Variants in LRRC45 observed in about 807,000 individuals in gnomAD.
The protein encoded by LRRC45 is leucine rich repeat containing 45.
Under a neutral mutation model 85.4 loss-of-function variants are expected in LRRC45, and 73 were observed. The observed-to-expected ratio is 0.85, with a 90% CI of 0.71 to 1.04. LRRC45 has a LOEUF of 1.04. Among genes scored for constraint, LRRC45 ranks in the 50% least tolerant of loss-of-function variants. The probability of loss-of-function intolerance (pLI) is 0.00; values close to 1 mark genes in which losing one functional copy is unlikely to be tolerated. For synonymous variants in LRRC45, 429 were observed against 386.0 expected, an observed-to-expected ratio of 1.11 and a Z score of -1.31; for missense variants, 937 against 883.3, an observed-to-expected ratio of 1.06 and a Z score of -0.77.
Position 82,025,464 on chromosome 17 carries a change from C to T in LRRC45, c.618C>T (p.Asp206=), listed in dbSNP as rs772769787. 1.2e-6 allele frequency: 2 copies of T among 1,609,482 alleles called. No individual in the cohort carries two copies. The highest frequency in any genetic ancestry group is 2.7e-5 in the African/African-American group (2 of 74,888). ...LPSNRTLWRL[D]LAGNNIPGDV... is the part of the protein sequence containing the mutation. ...GCAACAGAACCCTGTGGAGACTGGA[C>T]CTGGCTGGGAACAACATCCCTGGAG... Residue 206 remains aspartate (D), a synonymous_variant, in exon 5 of 17, where the codon GAC becomes GAT. Coordinates refer to ENST00000306688, the MANE Select transcript of LRRC45 (RefSeq NM_144999.4).
At chr17:82,028,827 C>A in intron 12 of LRRC45, 144 bp downstream of exon 12, 1 of 974,804 alleles carries the variant, frequency 1.0e-6, no homozygotes, top group Non-Finnish European at 1.5e-6. Context: ...GAGCGGATGT[C>A]AGACCCAGAA....
rs2043389480 is a variant in LRRC45 at position 82,028,620 on chromosome 17, G to A, written c.1245G>A (p.Leu415=). The change falls in exon 12 of 17, where the codon CTG becomes CTA. Residue 415 remains leucine, a synonymous_variant. Coordinates refer to ENST00000306688, the MANE Select transcript of LRRC45 (RefSeq NM_144999.4). ...CCCACCCTGGGCTTCCAGAGCGCCTGGACATGGAGAAGAGAAGATGCAGAC... is the reference window on the plus strand; with the variant it reads ...CCCACCCTGGGCTTCCAGAGCGCCTAGACATGGAGAAGAGAAGATGCAGAC... ...KMRAIQAEER[L]DMEKRRCRQS... 3.1e-6 allele frequency: 5 copies of A among 1,612,900 alleles called. No homozygotes were observed. Among genetic ancestry groups the A allele is most frequent in the African/African-American group, 1.3e-5 (1 of 75,064 alleles).
rs761881472 is a variant in LRRC45, at chr17:82,028,468, C to A, written c.1197C>A (p.Ser399Arg). The change falls in exon 11 of 17, where the codon AGC (serine) becomes AGA (arginine). Residue 399 changes from serine (S) to arginine (R), a missense_variant. By Grantham distance (110) the Ser-to-Arg change is moderately radical. Transcript: ENST00000306688. ...QLFQTRQEMT[S>R]MSAELKMRAI... The stretch of plus-strand genomic sequence containing the variant: ...TCCAGACCAGGCAGGAGATGACCAG[C>A]ATGTCAGCTGAGCTGAAGATGCGGG... 1 of 1,612,632 alleles carries A rather than the reference C, an allele frequency of 6.2e-7. No homozygotes were observed. The highest frequency in any genetic ancestry group is 8.5e-7 in the Non-Finnish European group (1 of 1,179,942).
Position 82,025,395 on chromosome 17 carries a change from C to G in LRRC45, c.549C>G (p.Asn183Lys). The G allele has an allele frequency of 6.3e-7, 1 of 1,591,202 alleles. No homozygotes were observed. ...TLQQLDLRWN[N>K]VGLLGGRALM... ...TCCTTCCAGACCTGCGCTGGAATAACGTTGGCCTCCTGGGGGGCCGGGCCC... is the reference window on the plus strand; with the variant it reads ...TCCTTCCAGACCTGCGCTGGAATAAGGTTGGCCTCCTGGGGGGCCGGGCCC... Residue 183 changes from asparagine (N) to lysine (K), a missense_variant, in exon 5 of 17, where the codon AAC becomes AAG. Transcript: ENST00000306688.
chr17:82,024,378 C>T (rs771717530), intron 2 of LRRC45, 39 bp downstream of exon 2: 1 of 1,609,104 alleles, frequency 6.2e-7, no homozygotes, highest in Admixed American at 1.7e-5. Context: ...AGTGTGCCAC[C>T]CAAGGGCAAG....
intron 12 of LRRC45, 29 bp from the exon 13 acceptor site, chr17:82,029,064 C>T (rs571041342): frequency 3.1e-6 from 5 of 1,602,754 alleles, no homozygotes; most frequent in African/African-American, 2.7e-5. Context: ...GCTCTCCACT[C>T]TGGCCCCACA....
chr17:82,023,967 C>CA (rs2043340469), intron 1 of LRRC45, 104 bp downstream of exon 1: 1 of 1,172,250 alleles, frequency 8.5e-7, no homozygotes. Flanking sequence ...ATTTCTGTGC[C>CA]GTAGTTAAAG....
rs371249725 is a variant in LRRC45 at position 82,027,367 on chromosome 17, C to T, written c.775-19C>T. ...GGCTGCAGGTGCCCTGACAGGGCTG[C>T]GGCTGTCTCTGTCCCCAGTTCCTCG... On this transcript the variant is annotated intron_variant, in intron 6 of 16. Transcript: ENST00000306688. 47 of 1,612,192 alleles carry T rather than the reference C, an allele frequency of 2.9e-5. No homozygotes were observed. In the South Asian group the frequency reaches 3.7e-4, roughly 13 times the overall value.
Position 82,023,835 on chromosome 17 carries a change from C to T in LRRC45, c.192C>T (p.Val64=). 6.4e-7 allele frequency: 1 copy of T among 1,565,952 alleles called. No individual in the cohort carries two copies. Residue 64 remains valine, a synonymous_variant, in exon 1 of 17, where the codon GTC becomes GTT. Coordinates refer to ENST00000306688, the MANE Select transcript of LRRC45 (RefSeq NM_144999.4). ...LPRETLCTEL[V]LSDCMLSEEG... ...GGGAGACGCTGTGCACGGAGCTGGT[C>T]CTGAGTGACTGCATGCTCAGCGAGG... is the stretch of plus-strand genomic sequence containing the variant.
rs1491182945 is a variant in LRRC45 at position 82,025,429 on chromosome 17, T to TG, written c.584dup (p.Cys195TrpfsTer73). 6.2e-7 allele frequency: 1 copy of TG among 1,607,652 alleles called. No homozygotes were observed. The highest frequency in any genetic ancestry group is 1.3e-5 in the African/African-American group (1 of 74,756). ...CCTGGGGGGCCGGGCCCTCATGAAC[T>TG]GTCTCCCCAGCAACAGAACCCTGTG... On this transcript the variant is annotated frameshift_variant, in exon 5 of 17. Coordinates refer to ENST00000306688, the MANE Select transcript of LRRC45 (RefSeq NM_144999.4). LOFTEE classifies it high-confidence loss of function.
chr17:82,028,632 G>C lies in LRRC45; in HGVS notation c.1257G>C (p.Lys419Asn). The C allele has an allele frequency of 6.2e-7, 1 of 1,612,932 alleles. No individual in the cohort carries two copies. The highest frequency in any genetic ancestry group is 8.5e-7 in the Non-Finnish European group (1 of 1,179,962). Residue 419 changes from lysine to asparagine, a missense_variant, in exon 12 of 17, where the codon AAG (lysine) becomes AAC (asparagine). Transcript: ENST00000306688. ...TTCCAGAGCGCCTGGACATGGAGAA[G>C]AGAAGATGCAGACAGAGCCTGGAGG... ...IQAEERLDME[K>N]RRCRQSLEDS...
Position 82,023,447 on chromosome 17 carries a change from C to A in LRRC45, c.-197C>A, listed in dbSNP as rs2043331374. ...GTCCCCAAGCACTGCGGGGCCCCAG[C>A]CCAAAGCGGACCTTGACTACCGCCC... On this transcript the variant is annotated 5_prime_UTR_variant, in exon 1 of 17. Transcript: ENST00000306688. The A allele has an allele frequency of 1.8e-6, 1 of 569,612 alleles. No individual in the cohort carries two copies. Among genetic ancestry groups the A allele is most frequent in the Non-Finnish European group, 3.1e-6 (1 of 327,662 alleles). The allele number at this position is 569,612 out of a possible 1,614,324, so 35.3% of individuals were successfully genotyped here. A position where few individuals can be genotyped will look rare whatever the true frequency, so the allele number is the denominator to read the frequency against.
rs1024737249 is a variant in LRRC45, at chr17:82,026,768, T to C, written c.662-131T>C. ...TACTTTTTTGTATTTTTAGTACAGATGGGGTTTCACCATGTTGGCCAGGCT... is the reference window on the plus strand; with the variant it reads ...TACTTTTTTGTATTTTTAGTACAGACGGGGTTTCACCATGTTGGCCAGGCT... On this transcript the variant is annotated intron_variant, in intron 5 of 16. Transcript: ENST00000306688. 1.6e-5 allele frequency: 10 copies of C among 631,546 alleles called. No individual in the cohort carries two copies. In the Admixed American group the frequency reaches 2.0e-4, roughly 13 times the overall value. 39.1% of individuals were successfully genotyped at this position (631,546 alleles called of 1,614,324 possible).
rs751016682 is a variant in LRRC45, at chr17:82,030,270, G to A, written c.1668+32G>A. 5 of 1,537,782 alleles carry A rather than the reference G, an allele frequency of 3.3e-6. No individual in the cohort carries two copies. The South Asian group carries it at 3.6e-5, about 11-fold the overall frequency. The stretch of plus-strand genomic sequence containing the variant: ...GGGGCTCCGGTGGGGGGCCCCGGGC[G>A]TGCTAGCCCCCAACCCTCGCCTCAC... On this transcript the variant is annotated intron_variant, in intron 15 of 16. Transcript: ENST00000306688.
chr17:82,023,980 A>C, intron 1 of LRRC45, 117 bp downstream of exon 1: 1 of 1,012,456 alleles, frequency 9.9e-7, no homozygotes, highest in Admixed American at 2.4e-5. Flanking sequence ...AGTTAAAGCG[A>C]GCAGGGGCGC....
chr17:82,026,308 T>C (rs2043367288), intron 5 of LRRC45, among the ~76,000 whole-genome samples: 1 of 152,172 alleles, frequency 6.6e-6, no homozygotes. Context: ...AGGATGGCCC[T>C]TGCCTTTTGC....
At chr17:82,027,575 CAT>C in intron 7 of LRRC45, 97 bp from the exon 8 acceptor site, 2 of 1,537,804 alleles carry the variant, frequency 1.3e-6, no homozygotes, top group Non-Finnish European at 1.8e-6. Flanking sequence ...CCCAGGCGAC[CAT>C]AGATGCTTAA....
At position 82,030,421 on chromosome 17, in the gene LRRC45, G is replaced by C; in HGVS notation, c.1771G>C (p.Glu591Gln). 1.3e-6 allele frequency: 2 copies of C among 1,549,180 alleles called. No homozygotes were observed. Among genetic ancestry groups the C allele is most frequent in the Non-Finnish European group, 1.7e-6 (2 of 1,147,080 alleles). ...GCTGCAGGCGGAGCTGGCGGCTCAG[G>C]AGGCGCTGAGGGAGAAGGCGGCGGC... is the stretch of plus-strand genomic sequence containing the variant. ...GRLQAELAAQ[E>Q]ALREKAAALE... is the part of the protein sequence containing the mutation. The change falls in exon 16 of 17, where the codon GAG (glutamate) becomes CAG (glutamine). Residue 591 changes from glutamate (E) to glutamine (Q), a missense_variant. Physicochemically the swap from Glu to Gln is conservative, Grantham distance 29. Coordinates refer to ENST00000306688, the MANE Select transcript of LRRC45 (RefSeq NM_144999.4).
chr17:82,025,326 A>G, intron 4 of LRRC45, 53 bp from the exon 5 acceptor site: 1 of 1,535,232 alleles, frequency 6.5e-7, no homozygotes. Context: ...CGGCCAGGCC[A>G]GCTCCCCCTC....
Sources: gnomAD v4.1 joint callset for allele counts (sites outside exome capture counted in the v4.1 genomes callset) on GRCh38, gnomAD v4.1.1 for gene constraint, MANE v1.5 for transcripts, NCBI Gene and HGNC (gene_info 2026-07-23, HGNC 2026-07-21) for gene names.